The following CDH12 variants were observed in gnomAD, a reference collection of about 807,000 sequenced individuals.
The protein encoded by CDH12 is cadherin 12.
Under a neutral mutation model 74.1 loss-of-function variants are expected in CDH12, and 41 were observed. The observed-to-expected ratio is 0.55, with a 90% CI of 0.43 to 0.72. The LOEUF is 0.72. CDH12 is among the 30% of genes least tolerant of loss of function. The probability of loss-of-function intolerance (pLI) is 0.00; values close to 1 mark genes in which losing one functional copy is unlikely to be tolerated. For missense variants in CDH12, 945 were observed against 977.2 expected, an observed-to-expected ratio of 0.97 and a Z score of 0.44; for synonymous variants, 399 against 355.0, an observed-to-expected ratio of 1.12 and a Z score of -1.39.
At chr5:21,865,591 C>T (rs1173466855) in intron 6 of CDH12, among the ~76,000 whole-genome samples, 1 of 152,112 alleles carries the variant, frequency 6.6e-6, no homozygotes, top group Non-Finnish European at 1.5e-5. Context: ...CAGCACAATG[C>T]TCTTCAGCCA....
In CDH12 at chr5:22,382,895, A is replaced by G. The variant is rs561345143; in HGVS notation, c.-333+22362T>C. Among the ~76,000 whole-genome samples, 13 of 152,196 alleles carry G rather than the reference A, an allele frequency of 8.5e-5. No individual in the cohort carries two copies. The East Asian group carries it at 2.5e-3, about 29-fold the overall frequency. On this transcript the variant is annotated intron_variant, in intron 3 of 14. Transcript: ENST00000382254. ...ACCCAGGCTGTAGTGCAATGGCGCA[A>G]TCTCAGCTCACTGCAACCTCTGCCT...
At chr5:22,820,036 C>CAT (rs1377643516) in intron 1 of CDH12, among the ~76,000 whole-genome samples, 1 of 145,534 alleles carries the variant, frequency 6.9e-6, no homozygotes, top group East Asian at 2.0e-4. Flanking sequence ...TATACATATA[C>CAT]ATATATATAC....
chr5:22,492,047 A>G (rs1198556816), intron 2 of CDH12, among the ~76,000 whole-genome samples: 1 of 152,050 alleles, frequency 6.6e-6, no homozygotes, highest in Non-Finnish European at 1.5e-5. Flanking sequence ...AGGTAATGGG[A>G]GTTGGGACGT....
intron 1 of CDH12, among the ~76,000 whole-genome samples, chr5:22,559,658 C>G (rs1738955395): frequency 6.6e-6 from 1 of 152,014 alleles, no homozygotes; most frequent in South Asian, 2.1e-4. Flanking sequence ...ATGTTTTTCT[C>G]TGAGTACTTC....
At chr5:22,103,459 C>T (rs965222189) in intron 4 of CDH12, among the ~76,000 whole-genome samples, 1 of 152,158 alleles carries the variant, frequency 6.6e-6, no homozygotes, top group Non-Finnish European at 1.5e-5. Context: ...ATAAACTGCC[C>T]TCTATTTGCT....
At chr5:21,763,415 G>A (rs1197133707) in intron 12 of CDH12, among the ~76,000 whole-genome samples, 3 of 152,082 alleles carry the variant, frequency 2.0e-5, no homozygotes, top group Non-Finnish European at 4.4e-5. Flanking sequence ...ATGGGACAAA[G>A]GTTCTACTAA....
At position 22,623,850 on chromosome 5, in the gene CDH12, T is replaced by C. The variant is rs190732831; in HGVS notation, c.-522-118486A>G. Among the ~76,000 whole-genome samples, 116 of 152,316 alleles carry C rather than the reference T, an allele frequency of 7.6e-4. 3 individuals are homozygous for C. The East Asian group carries it at 0.016, about 21-fold the overall frequency. On this transcript the variant is annotated intron_variant, in intron 1 of 14. Transcript: ENST00000382254. ...ATATGGAACCAAAAAAGAGCCCGCATTGCCAAGACAATCCTAAGCCAAAAG... is the reference window on the plus strand; with the variant it reads ...ATATGGAACCAAAAAAGAGCCCGCACTGCCAAGACAATCCTAAGCCAAAAG...
chr5:22,479,237 C>A (rs958087644), intron 2 of CDH12, among the ~76,000 whole-genome samples: 1 of 152,182 alleles, frequency 6.6e-6, no homozygotes, highest in Non-Finnish European at 1.5e-5. Flanking sequence ...TGATTTAAAT[C>A]TAGTCTCTTT....
chr5:22,411,525 G>T (rs1413012400), intron 2 of CDH12, among the ~76,000 whole-genome samples: 1 of 151,936 alleles, frequency 6.6e-6, no homozygotes, highest in African/African-American at 2.4e-5. Context: ...ATTTCAGTCA[G>T]CATAATTCGA....
chr5:21,888,419 T>C (rs1200059858), intron 6 of CDH12, among the ~76,000 whole-genome samples: 1 of 152,088 alleles, frequency 6.6e-6, no homozygotes. Flanking sequence ...TTTGAATTGT[T>C]CCTCAGTTTA....
intron 1 of CDH12, among the ~76,000 whole-genome samples, chr5:22,824,635 A>G (rs1461481099): frequency 6.6e-6 from 1 of 151,968 alleles, no homozygotes; most frequent in East Asian, 1.9e-4. Flanking sequence ...TAAAAATTCT[A>G]AAGTACAGCA....
At chr5:22,786,967 G>A (rs1030561470) in intron 1 of CDH12, among the ~76,000 whole-genome samples, 3 of 151,850 alleles carry the variant, frequency 2.0e-5, no homozygotes, top group Non-Finnish European at 4.4e-5. Flanking sequence ...TGATCTGCCC[G>A]CCTCAGCAAA....
intron 6 of CDH12, chr5:21,882,608 T>C (rs1752415194): frequency 4.4e-6 from 7 of 1,602,408 alleles, no homozygotes; most frequent in Middle Eastern, 1.7e-4. Context: ...ACCCACAGTC[T>C]TTCGCCAGAT....
intron 1 of CDH12, among the ~76,000 whole-genome samples, chr5:22,593,035 A>AG (rs1331996512): frequency 2.4e-5 from 3 of 127,430 alleles, no homozygotes; most frequent in African/African-American, 8.8e-5. Flanking sequence ...ATCTCAAAAA[A>AG]GAAAAAAAAA....
intron 1 of CDH12, among the ~76,000 whole-genome samples, chr5:22,767,590 G>C (rs1024889615): frequency 6.6e-6 from 1 of 151,748 alleles, no homozygotes; most frequent in Non-Finnish European, 1.5e-5. Flanking sequence ...AATCAACAGG[G>C]CTTATGGTAG....
At chr5:21,957,558 C>T (rs1170250552) in intron 6 of CDH12, among the ~76,000 whole-genome samples, 1 of 152,162 alleles carries the variant, frequency 6.6e-6, no homozygotes, top group Non-Finnish European at 1.5e-5. Context: ...TCCTTTTCTC[C>T]ACAACCTGCC....
chr5:22,781,168 G>A (rs1426403482), intron 1 of CDH12, among the ~76,000 whole-genome samples: 4 of 152,088 alleles, frequency 2.6e-5, no homozygotes, highest in Non-Finnish European at 5.9e-5. Context: ...AATTTTGTAC[G>A]ATGTTATTCA....
chr5:22,222,835 G>A lies in CDH12; in HGVS notation c.-332-10192C>T, dbSNP rs555434007. ...AATTAAGAAACTCACTCTAAAGCAAGATGAGTTAGTAATAATTTAAATGCA... is the reference window on the plus strand; with the variant it reads ...AATTAAGAAACTCACTCTAAAGCAAAATGAGTTAGTAATAATTTAAATGCA... On this transcript the variant is annotated intron_variant, in intron 3 of 14. Transcript: ENST00000382254. Among the ~76,000 whole-genome samples the A allele has an allele frequency of 2.0e-4, 31 of 152,052 alleles. No homozygotes were observed. In the East Asian group the frequency reaches 2.5e-3, roughly 12 times the overall value.
chr5:21,939,667 G>C (rs977678276), intron 6 of CDH12, among the ~76,000 whole-genome samples: 3 of 152,060 alleles, frequency 2.0e-5, no homozygotes, highest in Non-Finnish European at 4.4e-5. Context: ...CTGTGCAGTA[G>C]TCATTATATG....
Sources: gnomAD v4.1 joint callset for allele counts (sites outside exome capture counted in the v4.1 genomes callset) on GRCh38, gnomAD v4.1.1 for gene constraint, MANE v1.5 for transcripts, NCBI Gene and HGNC (gene_info 2026-07-23, HGNC 2026-07-21) for gene names.